Variants in SEMA3C observed in about 807,000 individuals in gnomAD.
SEMA3C encodes the protein semaphorin-3C.
In SEMA3C, 47 loss-of-function variants were observed where a neutral mutation model predicts 89.4. The observed-to-expected ratio is 0.53, with a 90% CI of 0.42 to 0.67. The LOEUF (loss-of-function observed/expected upper bound fraction) is 0.67, where lower values mean the gene tolerates loss of function less well. SEMA3C is among the 30% of genes least tolerant of loss of function. SEMA3C has a pLI of 0.00. For missense variants in SEMA3C, 839 were observed against 929.1 expected (o/e 0.90, Z 1.26); for synonymous variants, 310 against 320.2 (o/e 0.97, Z 0.34).
chr7:80,777,911 C>T (rs1442207193), intron 12 of SEMA3C, among the ~76,000 whole-genome samples: 1 of 152,064 alleles, frequency 6.6e-6, no homozygotes, highest in African/African-American at 2.4e-5. Flanking sequence ...AATCAGAAAA[C>T]AACAAAATGT....
intron 15 of SEMA3C, among the ~76,000 whole-genome samples, chr7:80,757,610 C>T (rs1788093143): frequency 6.6e-6 from 1 of 152,080 alleles, no homozygotes; most frequent in South Asian, 2.1e-4. Context: ...TCCTTGTTTA[C>T]AAGATAATTA....
Position 80,763,753 on chromosome 7 carries a change from C to G in SEMA3C, c.1443+1402G>C, listed in dbSNP as rs367543903. 1.3e-4 allele frequency among the ~76,000 whole-genome samples: 20 copies of G among 152,132 alleles called. 1 individual carries two copies. In the East Asian group the frequency reaches 2.7e-3, roughly 21 times the overall value. On this transcript the variant is annotated intron_variant, in intron 13 of 17. Coordinates refer to ENST00000265361, the MANE Select transcript of SEMA3C (RefSeq NM_006379.5). ...TTCAAGAATACTCCAGAATAAGGCA[C>G]TTCGTATTATTTTAGCAAGCCAAGT... is the stretch of plus-strand genomic sequence containing the variant.
chr7:80,904,592 T>C (rs932418733), intron 2 of SEMA3C, among the ~76,000 whole-genome samples: 2 of 152,210 alleles, frequency 1.3e-5, no homozygotes, highest in Non-Finnish European at 2.9e-5. Flanking sequence ...GGCTAAACTT[T>C]AATTTTTAGT....
At chr7:80,880,850 T>C (rs1791318379) in intron 2 of SEMA3C, among the ~76,000 whole-genome samples, 1 of 152,046 alleles carries the variant, frequency 6.6e-6, no homozygotes, top group Non-Finnish European at 1.5e-5. Context: ...GCTTAAATCC[T>C]GGAGGTGAAG....
At chr7:80,862,374 T>C (rs980265685) in intron 2 of SEMA3C, among the ~76,000 whole-genome samples, 1 of 151,974 alleles carries the variant, frequency 6.6e-6, no homozygotes, top group African/African-American at 2.4e-5. Context: ...CTTAGGAATA[T>C]ACCTAACCAA....
chr7:80,868,244 T>C (rs182993556), intron 2 of SEMA3C, among the ~76,000 whole-genome samples: 53 of 152,226 alleles, frequency 3.5e-4, no homozygotes, highest in Non-Finnish European at 1.0e-4. Flanking sequence ...TATCCTTCCC[T>C]TATATTTTAT....
chr7:80,808,578 T>G (rs931488119), intron 6 of SEMA3C, among the ~76,000 whole-genome samples: 1 of 152,142 alleles, frequency 6.6e-6, no homozygotes, highest in African/African-American at 2.4e-5. Context: ...TTAATGTAAT[T>G]TCCAGATATG....
At chr7:80,762,510 CT>C (rs1414128534) in intron 13 of SEMA3C, among the ~76,000 whole-genome samples, 2 of 152,186 alleles carry the variant, frequency 1.3e-5, no homozygotes, top group Non-Finnish European at 2.9e-5. Flanking sequence ...TTATTAGTTA[CT>C]TTTAATGATT....
At chr7:80,761,558 T>G in intron 14 of SEMA3C, 58 bp downstream of exon 14, 5 of 943,532 alleles carry the variant, frequency 5.3e-6, no homozygotes, top group Non-Finnish European at 4.8e-6. Flanking sequence ...AAAATATAAT[T>G]TTTCATAACA....
At chr7:80,854,024 T>C (rs965726918) in intron 2 of SEMA3C, among the ~76,000 whole-genome samples, 1 of 152,160 alleles carries the variant, frequency 6.6e-6, no homozygotes, top group Non-Finnish European at 1.5e-5. Context: ...AAGTTATTGT[T>C]ATAAGCTCCA....
At chr7:80,790,658 T>C (rs1053211409) in intron 11 of SEMA3C, among the ~76,000 whole-genome samples, 2 of 152,188 alleles carry the variant, frequency 1.3e-5, no homozygotes, top group African/African-American at 4.8e-5. Context: ...CAGTTCTCAG[T>C]TCAAAAGTTG....
rs149178454 is a variant in SEMA3C at position 80,880,632 on chromosome 7, A to C, written c.103+36047T>G. ...TGTATACGCCATAATCTTACCCAAAAGCAAATCACAGGCTGGGAGTGGTGG... is the reference window on the plus strand; with the variant it reads ...TGTATACGCCATAATCTTACCCAAACGCAAATCACAGGCTGGGAGTGGTGG... On this transcript the variant is annotated intron_variant, in intron 2 of 17. Coordinates refer to ENST00000265361, the MANE Select transcript of SEMA3C (RefSeq NM_006379.5). 8.7e-4 allele frequency among the ~76,000 whole-genome samples: 132 copies of C among 152,294 alleles called. 1 individual carries two copies. The East Asian group carries it at 0.023, about 26-fold the overall frequency.
At chr7:80,817,556 A>C (rs529597947) in intron 5 of SEMA3C, among the ~76,000 whole-genome samples, 10 of 152,298 alleles carry the variant, frequency 6.6e-5, no homozygotes, top group South Asian at 4.1e-4. Context: ...ACAGCTGTGG[A>C]CTGGGATAAC....
chr7:80,810,500 A>G (rs774408746), intron 6 of SEMA3C, 111 bp downstream of exon 6: 6 of 705,836 alleles, frequency 8.5e-6, no homozygotes, highest in Middle Eastern at 2.6e-4. Flanking sequence ...TCTTCATATT[A>G]TTTTACTCAC....
rs902093563 is a variant in SEMA3C at position 80,895,862 on chromosome 7, A to G, written c.103+20817T>C. Among the ~76,000 whole-genome samples, 5 of 152,152 alleles carry G rather than the reference A, an allele frequency of 3.3e-5. No individual in the cohort carries two copies. In the South Asian group the frequency reaches 6.2e-4, roughly 19 times the overall value. ...AAAATTTATTCTATAGCAATTAATT[A>G]CCTTTATTTCATCCATTTTAAAAGT... On this transcript the variant is annotated intron_variant, in intron 2 of 17. Transcript: ENST00000265361.
intron 2 of SEMA3C, among the ~76,000 whole-genome samples, chr7:80,912,181 C>A (rs1792168873): frequency 6.6e-6 from 1 of 152,098 alleles, no homozygotes; most frequent in Non-Finnish European, 1.5e-5. Flanking sequence ...ACACATTTTT[C>A]TAAAATTTTT....
rs191943585 is a variant in SEMA3C at position 80,798,459 on chromosome 7, T to C, written c.987-223A>G. ...CATGGAGTCAGTAGACAATAAGTTATAGTAAAGTCCTTTTCAATGTTTCCA... is the reference window on the plus strand; with the variant it reads ...CATGGAGTCAGTAGACAATAAGTTACAGTAAAGTCCTTTTCAATGTTTCCA... On this transcript the variant is annotated intron_variant, in intron 10 of 17. Transcript: ENST00000265361. Among the ~76,000 whole-genome samples the C allele has an allele frequency of 4.1e-4, 62 of 152,312 alleles. 1 individual carries two copies. The highest frequency in any genetic ancestry group is 1.7e-3 in the South Asian group (8 of 4,824).
At chr7:80,798,070 A>G in intron 11 of SEMA3C, 22 bp downstream of exon 11, 1 of 1,585,798 alleles carries the variant, frequency 6.3e-7, no homozygotes, top group East Asian at 2.3e-5. Context: ...ATCATAACAA[A>G]GAATTTTCCC....
intron 2 of SEMA3C, among the ~76,000 whole-genome samples, chr7:80,849,053 G>A (rs1170957079): frequency 3.3e-5 from 5 of 151,990 alleles, no homozygotes; most frequent in Non-Finnish European, 4.4e-5. Context: ...AGATTTTACT[G>A]CCTTTTAATC....
Sources: gnomAD v4.1 joint callset for allele counts (sites outside exome capture counted in the v4.1 genomes callset) on GRCh38, gnomAD v4.1.1 for gene constraint, MANE v1.5 for transcripts, NCBI Gene and HGNC (gene_info 2026-07-23, HGNC 2026-07-21) for gene names.